Variants in CNTN4 observed in about 807,000 individuals in gnomAD.
CNTN4 encodes the protein contactin 4, also known as contactin-4.
CNTN4 carries 77 observed loss-of-function variants against 122.5 expected under a neutral mutation model. The observed-to-expected ratio is 0.63, with a 90% CI of 0.52 to 0.76. The LOEUF is 0.76. CNTN4 is among the 30% of genes least tolerant of loss of function. The pLI, the probability that CNTN4 is intolerant of heterozygous loss-of-function variation, is 0.00. For missense variants in CNTN4, 1,256 were observed against 1,259.1 expected (o/e 1.00, Z 0.04); for synonymous variants, 512 against 447.0 (o/e 1.15, Z -1.83).
At chr3:2,504,012 C>A (rs907971515) in intron 3 of CNTN4, among the ~76,000 whole-genome samples, 2 of 151,626 alleles carry the variant, frequency 1.3e-5, no homozygotes, top group Non-Finnish European at 2.9e-5. Context: ...TCAACTAAAG[C>A]TTTTCTTTTT....
chr3:2,980,616 G>A (rs1349005704), intron 13 of CNTN4, among the ~76,000 whole-genome samples: 4 of 152,164 alleles, frequency 2.6e-5, no homozygotes, highest in African/African-American at 9.7e-5. Flanking sequence ...GGTAATACCC[G>A]ACGTTTGACA....
intron 2 of CNTN4, among the ~76,000 whole-genome samples, chr3:2,226,307 C>T (rs1387034389): frequency 6.6e-6 from 1 of 152,130 alleles, no homozygotes; most frequent in African/African-American, 2.4e-5. Context: ...AAGTAGTATG[C>T]TGCTATTTGG....
chr3:2,137,420 T>G (rs1289650037), intron 2 of CNTN4, among the ~76,000 whole-genome samples: 1 of 152,208 alleles, frequency 6.6e-6, no homozygotes, highest in Non-Finnish European at 1.5e-5. Context: ...TTCTGTTTCT[T>G]AACTCTGGAA....
intron 14 of CNTN4, among the ~76,000 whole-genome samples, chr3:3,019,787 T>C (rs28716457): frequency 3.8e-5 from 4 of 105,434 alleles, no homozygotes; most frequent in Non-Finnish European, 5.9e-5. Context: ...TATATATATA[T>C]ATATATATAT....
chr3:2,593,767 A>G (rs1234620663), intron 4 of CNTN4, among the ~76,000 whole-genome samples: 1 of 152,164 alleles, frequency 6.6e-6, no homozygotes, highest in African/African-American at 2.4e-5. Flanking sequence ...CTTATAGCTA[A>G]AAGTATCTGA....
chr3:2,632,224 G>C (rs1227568767), intron 4 of CNTN4, among the ~76,000 whole-genome samples: 2 of 152,082 alleles, frequency 1.3e-5, no homozygotes, highest in African/African-American at 4.8e-5. Context: ...TTTCTACCTA[G>C]TGCAGTCGTA....
chr3:2,163,239 G>C (rs921022648), intron 2 of CNTN4, among the ~76,000 whole-genome samples: 6 of 152,140 alleles, frequency 3.9e-5, no homozygotes, highest in African/African-American at 1.4e-4. Flanking sequence ...GCATACAAAA[G>C]CATAAAGTGA....
At chr3:2,877,993 A>T (rs1262794589) in intron 8 of CNTN4, among the ~76,000 whole-genome samples, 2 of 152,246 alleles carry the variant, frequency 1.3e-5, no homozygotes, top group Non-Finnish European at 2.9e-5. Flanking sequence ...CGATGTTCAT[A>T]ATATTGTTGA....
intron 4 of CNTN4, among the ~76,000 whole-genome samples, chr3:2,599,537 G>C (rs890849896): frequency 1.3e-4 from 20 of 152,154 alleles, no homozygotes; most frequent in African/African-American, 4.8e-4. Context: ...TCCCATGTGT[G>C]ATTTTATTGT....
chr3:2,829,714 T>C (rs1293755399), intron 7 of CNTN4, among the ~76,000 whole-genome samples: 1 of 152,206 alleles, frequency 6.6e-6, no homozygotes, highest in East Asian at 1.9e-4. Context: ...TCAACAACTA[T>C]ACACTTATGA....
At chr3:2,554,941 G>T (rs1221245898) in intron 3 of CNTN4, among the ~76,000 whole-genome samples, 1 of 152,128 alleles carries the variant, frequency 6.6e-6, no homozygotes, top group Non-Finnish European at 1.5e-5. Flanking sequence ...TGCACAGAAT[G>T]CCTTTCTTCT....
At chr3:2,850,279 C>T (rs990184860) in intron 7 of CNTN4, among the ~76,000 whole-genome samples, 3 of 152,278 alleles carry the variant, frequency 2.0e-5, no homozygotes, top group East Asian at 1.9e-4. Context: ...TGAGCCTCCG[C>T]GCCTGGCCAG....
intron 14 of CNTN4, chr3:2,988,681 A>G (rs1694802798): frequency 1.7e-6 from 1 of 579,520 alleles, no homozygotes; most frequent in Non-Finnish European, 3.1e-6. Context: ...TTTCAGAATC[A>G]TCCAATACAA....
At chr3:2,563,306 A>G (rs1164995479) in intron 3 of CNTN4, among the ~76,000 whole-genome samples, 1 of 152,204 alleles carries the variant, frequency 6.6e-6, no homozygotes, top group African/African-American at 2.4e-5. Context: ...AAAATATACA[A>G]TAAACAGGGA....
In CNTN4 at chr3:2,850,458, A is replaced by G. The variant is rs1038052079; in HGVS notation, c.455-16294A>G. Among the ~76,000 whole-genome samples the G allele has an allele frequency of 5.3e-5, 8 of 152,160 alleles. 1 individual carries two copies. Among genetic ancestry groups the G allele is most frequent in the Admixed American group, 5.2e-4 (8 of 15,282 alleles). On this transcript the variant is annotated intron_variant, in intron 7 of 24. Coordinates refer to ENST00000418658, the MANE Select transcript of CNTN4 (RefSeq NM_175607.3). ...ATTTATTTTTACGTTTTTCAGTTTAAGGTGACACAAATGGTTAGGACAGAT... is the reference window on the plus strand; with the variant it reads ...ATTTATTTTTACGTTTTTCAGTTTAGGGTGACACAAATGGTTAGGACAGAT...
intron 7 of CNTN4, among the ~76,000 whole-genome samples, chr3:2,821,707 T>G (rs1366091264): frequency 6.6e-6 from 1 of 152,162 alleles, no homozygotes; most frequent in Non-Finnish European, 1.5e-5. Context: ...AGGGATTCAG[T>G]AGTGTGGAGG....
chr3:2,798,146 C>T (rs1034410679), intron 6 of CNTN4, among the ~76,000 whole-genome samples: 1 of 147,676 alleles, frequency 6.8e-6, no homozygotes, highest in South Asian at 2.1e-4. Context: ...CGTTTTAGCT[C>T]TCACTTGAGA....
At chr3:2,198,812 G>A (rs2037964275) in intron 2 of CNTN4, among the ~76,000 whole-genome samples, 2 of 152,046 alleles carry the variant, frequency 1.3e-5, no homozygotes, top group Admixed American at 1.3e-4. Flanking sequence ...TATTGTCACA[G>A]ATCCCAAGTT....
At chr3:2,798,297 A>G (rs112738932) in intron 6 of CNTN4, among the ~76,000 whole-genome samples, 2,182 of 150,592 alleles carry the variant, frequency 0.014, 63 homozygotes, top group African/African-American at 0.048. Context: ...GTGTGTGTAT[A>G]TATATATATG....
Sources: allele counts gnomAD v4.1 joint callset (sites outside exome capture counted in the v4.1 genomes callset), GRCh38; gene constraint gnomAD v4.1.1; transcripts MANE v1.5; gene names NCBI Gene and HGNC (gene_info 2026-07-23, HGNC 2026-07-21).